Variants in RGS21 observed in about 807,000 individuals in gnomAD.
RGS21 encodes regulator of G protein signaling 21, also known as regulator of G-protein signalling 21.
RGS21 carries 19 observed loss-of-function variants against 18.7 expected under a neutral mutation model. The observed-to-expected ratio is 1.01, with a 90% CI of 0.71 to 1.49. The LOEUF is 1.49. Among genes scored for constraint, RGS21 ranks in the 40% most tolerant of loss-of-function variants. RGS21 has a pLI of 0.00. For synonymous variants in RGS21, 56 were observed against 57.8 expected (o/e 0.97, Z 0.14); for missense variants, 194 against 176.8 (o/e 1.10, Z -0.55).
chr1:192,336,854 C>T (rs1364675010), intron 1 of RGS21, among the ~76,000 whole-genome samples: 1 of 151,824 alleles, frequency 6.6e-6, no homozygotes, highest in South Asian at 2.1e-4. Flanking sequence ...TAAAAATAAT[C>T]TTGTTATGAG....
At chr1:192,344,310 C>T (rs1275455742) in intron 2 of RGS21, among the ~76,000 whole-genome samples, 1 of 152,038 alleles carries the variant, frequency 6.6e-6, no homozygotes, top group African/African-American at 2.4e-5. Flanking sequence ...TGTATTAACT[C>T]ATCCATTTAA....
intron 1 of RGS21, among the ~76,000 whole-genome samples, chr1:192,327,217 G>T (rs1401081792): frequency 1.3e-5 from 2 of 151,936 alleles, no homozygotes; most frequent in African/African-American, 4.8e-5. Context: ...TTACCAGGTG[G>T]CAAAGAGCAA....
chr1:192,318,565 G>A (rs74492603), intron 1 of RGS21, among the ~76,000 whole-genome samples: 51 of 152,096 alleles, frequency 3.4e-4, no homozygotes, highest in Admixed American at 6.6e-4. Flanking sequence ...GGAGAATGTC[G>A]TATCTAAAGG....
At chr1:192,363,063 G>A (rs1659209176) in intron 4 of RGS21, among the ~76,000 whole-genome samples, 1 of 152,102 alleles carries the variant, frequency 6.6e-6, no homozygotes, top group Non-Finnish European at 1.5e-5. Flanking sequence ...CTTTCAGTTT[G>A]ATTGAGATAT....
chr1:192,357,506 T>C (rs867004805), intron 4 of RGS21, among the ~76,000 whole-genome samples: 3 of 151,886 alleles, frequency 2.0e-5, no homozygotes, highest in Non-Finnish European at 2.9e-5. Flanking sequence ...ATTATCTCAT[T>C]TGGTCATCAC....
chr1:192,320,732 G>A (rs547289280), intron 1 of RGS21, among the ~76,000 whole-genome samples: 10 of 151,682 alleles, frequency 6.6e-5, no homozygotes, highest in Admixed American at 4.6e-4. Context: ...AGCAGTTTCA[G>A]AAAAAAAGAG....
rs766658871 is a variant in RGS21, at chr1:192,352,138, G to A, written c.180G>A (p.Thr60=). Residue 60 remains threonine (T), a synonymous_variant, in exon 4 of 5, where the codon ACG becomes ACA. Transcript: ENST00000417209. ...FWLACEDFKK[T]KNADKIASKA... Reference sequence around the variant, plus strand: ...TTGCCTGTGAAGACTTTAAGAAAACGAAAAATGCAGACAAAATTGCTTCCA... The same window carrying A: ...TTGCCTGTGAAGACTTTAAGAAAACAAAAAATGCAGACAAAATTGCTTCCA... 18 of 1,610,932 alleles carry A rather than the reference G, an allele frequency of 1.1e-5. No individual in the cohort carries two copies. The highest frequency in any genetic ancestry group is 6.7e-5 in the Admixed American group (4 of 59,574).
intron 1 of RGS21, among the ~76,000 whole-genome samples, chr1:192,337,253 G>A (rs1274196835): frequency 6.6e-6 from 1 of 151,840 alleles, no homozygotes; most frequent in Non-Finnish European, 1.5e-5. Flanking sequence ...GAATTTACAA[G>A]GAATCATTCC....
At chr1:192,341,687 AT>A (rs1187050917) in intron 1 of RGS21, among the ~76,000 whole-genome samples, 1 of 151,982 alleles carries the variant, frequency 6.6e-6, no homozygotes, top group Non-Finnish European at 1.5e-5. Context: ...CAAAATAGAA[AT>A]TTAAATTTTT....
At chr1:192,342,787 C>T (rs2102229896) in intron 1 of RGS21, among the ~76,000 whole-genome samples, 190 bp from the exon 2 acceptor site, 1 of 152,112 alleles carries the variant, frequency 6.6e-6, no homozygotes, top group East Asian at 1.9e-4. Flanking sequence ...ATGCCACAGA[C>T]TCAGAGAAAT....
intron 4 of RGS21, among the ~76,000 whole-genome samples, chr1:192,358,516 T>G (rs564375098): frequency 6.6e-6 from 1 of 152,092 alleles, no homozygotes; most frequent in African/African-American, 2.4e-5. Flanking sequence ...TGGCCTTAAT[T>G]TGAATAGTAA....
At chr1:192,357,744 T>G (rs1011770872) in intron 4 of RGS21, among the ~76,000 whole-genome samples, 1 of 152,024 alleles carries the variant, frequency 6.6e-6, no homozygotes, top group Non-Finnish European at 1.5e-5. Context: ...AGCATAAAAT[T>G]ATCTAGTCAC....
intron 3 of RGS21, among the ~76,000 whole-genome samples, chr1:192,351,593 A>G (rs889599942): frequency 2.5e-4 from 38 of 151,538 alleles, no homozygotes; most frequent in Middle Eastern, 3.5e-3. Context: ...TTTCTCAAAT[A>G]CAGAAAGAAA....
chr1:192,366,086 C>G lies in RGS21; in HGVS notation c.421C>G (p.Gln141Glu). ...TTATAAAAAACTGGTAAATAGCCAA[C>G]AGGTTCCAAATCATAAAAAATGGCT... ...EIYKKLVNSQQVPNHKKWLPF... is the reference protein window; with the variant it reads ...EIYKKLVNSQEVPNHKKWLPF... The change falls in exon 5 of 5, where the codon CAG becomes GAG. Residue 141 changes from glutamine (Q) to glutamate (E), a missense_variant. Physicochemically the swap from Gln to Glu is conservative, Grantham distance 29. Coordinates refer to ENST00000417209, the MANE Select transcript of RGS21 (RefSeq NM_001039152.3). 1 of 1,611,416 alleles carries G rather than the reference C, an allele frequency of 6.2e-7. No homozygotes were observed. The highest frequency in any genetic ancestry group is 8.5e-7 in the Non-Finnish European group (1 of 1,178,576).
rs77506382 is a variant in RGS21, at chr1:192,365,136, C to CA, written c.256-770dup. 6.7e-3 allele frequency among the ~76,000 whole-genome samples: 636 copies of CA among 94,742 alleles called. 3 individuals are homozygous for CA. Among genetic ancestry groups the CA allele is most frequent in the African/African-American group, 0.019 (472 of 24,930 alleles). The allele number at this position is 94,742 out of a possible 152,430, so 62.2% of individuals were successfully genotyped here. ...GGGCGACAAGAGCAAAAGTGCGTCT[C>CA]AAAAAAAAAAAAAAAGCTCTTTGAA... On this transcript the variant is annotated intron_variant, in intron 4 of 4. Transcript: ENST00000417209.
chr1:192,346,167 T>C (rs1275159131), intron 2 of RGS21, among the ~76,000 whole-genome samples: 1 of 152,058 alleles, frequency 6.6e-6, no homozygotes, highest in African/African-American at 2.4e-5. Flanking sequence ...AGCTACAGTG[T>C]CCTCTCTATG....
intron 4 of RGS21, among the ~76,000 whole-genome samples, chr1:192,356,363 G>C (rs541166382): frequency 1.3e-5 from 2 of 151,898 alleles, no homozygotes; most frequent in African/African-American, 4.8e-5. Flanking sequence ...AACACAATGT[G>C]TTGCTGTGTT....
intron 1 of RGS21, among the ~76,000 whole-genome samples, chr1:192,339,744 C>A (rs1001228607): frequency 2.0e-5 from 3 of 151,884 alleles, no homozygotes; most frequent in Non-Finnish European, 4.4e-5. Flanking sequence ...TTTGCAATTT[C>A]AAGGAGAAAA....
chr1:192,342,476 A>G lies in RGS21; in HGVS notation c.-60-501A>G, dbSNP rs372912640. Among the ~76,000 whole-genome samples the G allele has an allele frequency of 3.3e-5, 5 of 152,022 alleles. No homozygotes were observed. The South Asian group carries it at 8.3e-4, about 25-fold the overall frequency. On this transcript the variant is annotated intron_variant, in intron 1 of 4. Transcript: ENST00000417209. The stretch of plus-strand genomic sequence containing the variant: ...ATTTCAAAGAAAACTGCAATGTCTT[A>G]TATTAGAACATTTTAGTTCATGAAT...
Sources: gnomAD v4.1 joint callset for allele counts (sites outside exome capture counted in the v4.1 genomes callset) on GRCh38, gnomAD v4.1.1 for gene constraint, MANE v1.5 for transcripts, NCBI Gene and HGNC (gene_info 2026-07-23, HGNC 2026-07-21) for gene names.